Variants in DPYD observed in about 807,000 individuals in gnomAD.
DPYD encodes dihydropyrimidine dehydrogenase [NADP(+)].
A neutral mutation model predicts 116.2 loss-of-function variants in DPYD; 109 were observed. The observed-to-expected ratio is 0.94, with a 90% CI of 0.80 to 1.10. DPYD has a LOEUF of 1.10. Ranked by LOEUF, DPYD falls within the 50% of genes least tolerant of loss-of-function variation. The pLI is 0.00. For synonymous variants in DPYD, 440 were observed against 432.0 expected (o/e 1.02, Z -0.23); for missense variants, 1,302 against 1,254.5 (o/e 1.04, Z -0.57).
At chr1:97,368,753 G>A (rs900703310) in intron 16 of DPYD, among the ~76,000 whole-genome samples, 4 of 152,160 alleles carry the variant, frequency 2.6e-5, no homozygotes, top group African/African-American at 9.7e-5. Flanking sequence ...ATATATACTG[G>A]TCAAATTCAT....
chr1:97,863,646 C>T (rs571397117), intron 2 of DPYD, among the ~76,000 whole-genome samples: 21 of 151,818 alleles, frequency 1.4e-4, no homozygotes, highest in Non-Finnish European at 2.8e-4. Context: ...TTGTATGTAA[C>T]AACTAGCAGA....
At chr1:97,105,208 C>T (rs923587839) in intron 20 of DPYD, among the ~76,000 whole-genome samples, 7 of 151,554 alleles carry the variant, frequency 4.6e-5, no homozygotes, top group Non-Finnish European at 1.0e-4. Flanking sequence ...TTAGGAGAAA[C>T]CAGAACAAAG....
At chr1:97,637,319 C>A (rs1033475041) in intron 8 of DPYD, among the ~76,000 whole-genome samples, 1 of 152,120 alleles carries the variant, frequency 6.6e-6, no homozygotes, top group Non-Finnish European at 1.5e-5. Flanking sequence ...AGCCTTCCCC[C>A]ACTCCCCTAC....
At chr1:97,700,179 C>T (rs1046917185) in intron 5 of DPYD, 29 of 454,264 alleles carry the variant, frequency 6.4e-5, no homozygotes, top group East Asian at 5.6e-4. Flanking sequence ...GAGGGATTTG[C>T]GACTTCTTAC....
At chr1:97,232,844 T>A (rs527355115) in intron 19 of DPYD, among the ~76,000 whole-genome samples, 17 of 152,198 alleles carry the variant, frequency 1.1e-4, no homozygotes, top group African/African-American at 4.1e-4. Flanking sequence ...AATTTTATAA[T>A]GGAGGCTTAA....
chr1:97,737,734 T>C (rs1313337416), intron 4 of DPYD, among the ~76,000 whole-genome samples: 2 of 152,022 alleles, frequency 1.3e-5, no homozygotes, highest in Non-Finnish European at 2.9e-5. Flanking sequence ...GTGTGTACAA[T>C]ATATGTACAA....
At chr1:97,632,430 T>C (rs1192706792) in intron 8 of DPYD, among the ~76,000 whole-genome samples, 1 of 152,172 alleles carries the variant, frequency 6.6e-6, no homozygotes, top group Non-Finnish European at 1.5e-5. Flanking sequence ...TAATGATAAA[T>C]ACATGTAGAG....
At chr1:97,436,730 T>C (rs931824314) in intron 14 of DPYD, among the ~76,000 whole-genome samples, 2 of 152,038 alleles carry the variant, frequency 1.3e-5, no homozygotes, top group Non-Finnish European at 2.9e-5. Flanking sequence ...CCAACCAATA[T>C]TTCTTTCATT....
At chr1:97,437,592 C>G (rs937354680) in intron 14 of DPYD, among the ~76,000 whole-genome samples, 1 of 151,712 alleles carries the variant, frequency 6.6e-6, no homozygotes, top group Non-Finnish European at 1.5e-5. Context: ...ATATCTGGGT[C>G]ATATGATGGG....
chr1:97,502,263 A>G (rs185081577), intron 13 of DPYD, among the ~76,000 whole-genome samples: 123 of 152,206 alleles, frequency 8.1e-4, no homozygotes, highest in African/African-American at 2.8e-3. Context: ...TAAAACCACT[A>G]TGACAACATA....
At chr1:97,356,468 C>A (rs188144322) in intron 16 of DPYD, among the ~76,000 whole-genome samples, 2 of 152,116 alleles carry the variant, frequency 1.3e-5, no homozygotes, top group Admixed American at 1.3e-4. Context: ...GCACTTGTTG[C>A]CTGTGATCAG....
chr1:97,917,849 G>A (rs896063533), intron 1 of DPYD, among the ~76,000 whole-genome samples: 2 of 152,126 alleles, frequency 1.3e-5, no homozygotes, highest in African/African-American at 4.8e-5. Context: ...CGGTGGAGGG[G>A]AACAAGGTCT....
chr1:97,396,790 C>T lies in DPYD; in HGVS notation c.1906-14329G>A, dbSNP rs575174504. On this transcript the variant is annotated intron_variant, in intron 14 of 22. Transcript: ENST00000370192. Reference sequence around the variant, plus strand: ...CTCATATTGGTCCTTCTTGTAGTGCCATCCTAGACGTCTGACTGTACAGCT... The same window carrying T: ...CTCATATTGGTCCTTCTTGTAGTGCTATCCTAGACGTCTGACTGTACAGCT... Among the ~76,000 whole-genome samples the T allele has an allele frequency of 9.2e-5, 14 of 152,064 alleles. No homozygotes were observed. In the South Asian group the frequency reaches 2.5e-3, roughly 27 times the overall value.
chr1:97,628,152 C>A (rs1473770395), intron 8 of DPYD, among the ~76,000 whole-genome samples: 2 of 152,022 alleles, frequency 1.3e-5, no homozygotes, highest in Admixed American at 6.6e-5. Context: ...ACCAAATCCT[C>A]CTCTGATAAG....
At chr1:97,264,690 T>G (rs190265463) in intron 18 of DPYD, among the ~76,000 whole-genome samples, 1 of 152,274 alleles carries the variant, frequency 6.6e-6, no homozygotes, top group African/African-American at 2.4e-5. Flanking sequence ...ACAATTACCA[T>G]ATTTTATAGA....
chr1:97,513,393 C>A (rs958467617), intron 13 of DPYD, among the ~76,000 whole-genome samples: 2 of 151,628 alleles, frequency 1.3e-5, no homozygotes, highest in African/African-American at 4.8e-5. Context: ...TAATTTTCAC[C>A]GAACTCCCTT....
chr1:97,815,101 AG>A lies in DPYD; in HGVS notation c.233+13012del, dbSNP rs1290842526. ...GAGAAGAAAGAAAAGAGAAGAGAAG[AG>A]AAAAGAGAAGAGAAGAGAAAAGAAA... On this transcript the variant is annotated intron_variant, in intron 3 of 22. Coordinates refer to ENST00000370192, the MANE Select transcript of DPYD (RefSeq NM_000110.4). 3.7e-3 allele frequency among the ~76,000 whole-genome samples: 36 copies of A among 9,670 alleles called. No individual in the cohort carries two copies. In the East Asian group the frequency reaches 0.43, roughly 117 times the overall value. The allele number at this position is 9,670 out of a possible 152,430, so 6.3% of individuals were successfully genotyped here.
At chr1:97,530,833 T>C (rs1570910549) in intron 12 of DPYD, among the ~76,000 whole-genome samples, 1 of 152,194 alleles carries the variant, frequency 6.6e-6, no homozygotes, top group East Asian at 1.9e-4. Flanking sequence ...AGGTAATATC[T>C]CAATGTGGTT....
At chr1:97,652,277 G>T (rs964708444) in intron 8 of DPYD, among the ~76,000 whole-genome samples, 3 of 152,030 alleles carry the variant, frequency 2.0e-5, no homozygotes, top group African/African-American at 7.2e-5. Context: ...CATCCTCTTT[G>T]ACTAACATCT....
Sources: gnomAD v4.1 joint callset for allele counts (sites outside exome capture counted in the v4.1 genomes callset) on GRCh38, gnomAD v4.1.1 for gene constraint, MANE v1.5 for transcripts, NCBI Gene and HGNC (gene_info 2026-07-23, HGNC 2026-07-21) for gene names.